ARL15: variants seen among roughly 807,000 people sequenced by gnomAD.
ARL15 encodes the protein ADP-ribosylation factor-like protein 15.
ARL15 carries 19 observed loss-of-function variants against 25.2 expected under a neutral mutation model. The ratio of observed to expected loss-of-function variants is 0.75; its 90% confidence interval spans 0.53 to 1.10. The LOEUF (loss-of-function observed/expected upper bound fraction) is 1.10, where lower values mean the gene tolerates loss of function less well. Ranked by LOEUF, ARL15 falls within the 50% of genes least tolerant of loss-of-function variation. The pLI, the probability that ARL15 is intolerant of heterozygous loss-of-function variation, is 0.00. For missense variants in ARL15, 220 were observed against 246.0 expected (o/e 0.89, Z 0.71); for synonymous variants, 94 against 86.8 (o/e 1.08, Z -0.46).
rs574047423 is a variant in ARL15 at position 54,002,164 on chromosome 5, A to G, written c.462+111038T>C. On this transcript the variant is annotated intron_variant, in intron 4 of 4. Coordinates refer to ENST00000504924, the MANE Select transcript of ARL15 (RefSeq NM_019087.3). ...TTTGGCAAGCATAGATAGAGAACTC[A>G]GAAATGTGTCCTTGGCTACTAAGAG... Among the ~76,000 whole-genome samples the G allele has an allele frequency of 2.0e-5, 3 of 152,314 alleles. No individual in the cohort carries two copies. In the South Asian group the frequency reaches 6.2e-4, roughly 32 times the overall value.
intron 1 of ARL15, among the ~76,000 whole-genome samples, chr5:54,204,172 A>C (rs1755799785): frequency 6.6e-6 from 1 of 152,184 alleles, no homozygotes; most frequent in Non-Finnish European, 1.5e-5. Context: ...TAAAATGTTA[A>C]CCAAACCACA....
intron 4 of ARL15, among the ~76,000 whole-genome samples, chr5:54,034,661 CA>C (rs537088562): frequency 2.0e-5 from 3 of 150,024 alleles, no homozygotes; most frequent in African/African-American, 7.3e-5. Flanking sequence ...CACTTAAAAA[CA>C]AAAAAAAAGA....
chr5:54,090,070 G>A (rs1269970329), intron 4 of ARL15, among the ~76,000 whole-genome samples: 1 of 151,984 alleles, frequency 6.6e-6, no homozygotes, highest in Non-Finnish European at 1.5e-5. Flanking sequence ...CTATTCTTAG[G>A]TACATACCAT....
chr5:54,192,903 A>G (rs145713379), intron 1 of ARL15, among the ~76,000 whole-genome samples: 120 of 152,286 alleles, frequency 7.9e-4, no homozygotes, highest in South Asian at 3.7e-3. Context: ...TGATCTTCAC[A>G]AGCACCATCT....
At chr5:54,048,180 C>T (rs1750585152) in intron 4 of ARL15, 4 of 151,940 alleles carry the variant, frequency 2.6e-5, no homozygotes, top group East Asian at 1.9e-4. Context: ...CATACTGATG[C>T]CACTTAGTGT....
intron 4 of ARL15, among the ~76,000 whole-genome samples, chr5:54,010,777 T>A (rs149118604): frequency 0.021 from 3,263 of 152,078 alleles, 101 homozygotes; most frequent in East Asian, 0.13. Context: ...TTTGGGAGGC[T>A]GAGGCGCGCG....
chr5:53,951,432 A>T, intron 4 of ARL15: 1 of 457,636 alleles, frequency 2.2e-6, no homozygotes, highest in South Asian at 1.6e-5. Context: ...AATTTCCTAA[A>T]TGTTTACTCT....
intron 4 of ARL15, 152 bp downstream of exon 4, chr5:54,113,050 T>TA (rs1752786776): frequency 1.4e-6 from 1 of 724,776 alleles, no homozygotes; most frequent in African/African-American, 1.8e-5. Context: ...AACAGATTGA[T>TA]ATAGGCTTTC....
chr5:54,052,630 C>A (rs1374527542), intron 4 of ARL15, among the ~76,000 whole-genome samples: 2 of 152,028 alleles, frequency 1.3e-5, no homozygotes, highest in African/African-American at 4.8e-5. Context: ...CTAGAATGAT[C>A]CTTATGGGAA....
intron 4 of ARL15, among the ~76,000 whole-genome samples, chr5:53,949,178 C>T (rs1410084154): frequency 1.3e-5 from 2 of 152,090 alleles, no homozygotes; most frequent in African/African-American, 4.8e-5. Flanking sequence ...TGATTTAATT[C>T]CCATTGGATA....
intron 2 of ARL15, among the ~76,000 whole-genome samples, chr5:54,168,649 A>G (rs1394593408): frequency 2.0e-5 from 3 of 152,006 alleles, no homozygotes; most frequent in African/African-American, 7.3e-5. Flanking sequence ...TTAACCCAGT[A>G]AGACCACTAA....
intron 4 of ARL15, among the ~76,000 whole-genome samples, chr5:54,097,535 T>C (rs1227845052): frequency 6.6e-6 from 1 of 152,230 alleles, no homozygotes; most frequent in Non-Finnish European, 1.5e-5. Flanking sequence ...AATACAAGCA[T>C]AATTGTGATC....
chr5:54,006,674 C>T (rs1212229281), intron 4 of ARL15, among the ~76,000 whole-genome samples: 2 of 152,104 alleles, frequency 1.3e-5, no homozygotes, highest in Non-Finnish European at 2.9e-5. Context: ...TCTAAATGTA[C>T]TTAAAATGAG....
At chr5:53,992,760 A>G (rs1748544961) in intron 4 of ARL15, among the ~76,000 whole-genome samples, 1 of 152,214 alleles carries the variant, frequency 6.6e-6, no homozygotes, top group African/African-American at 2.4e-5. Context: ...GTATTGGTAC[A>G]TTGCATGAAA....
At chr5:53,894,552 A>C (rs531945764) in intron 4 of ARL15, among the ~76,000 whole-genome samples, 2 of 152,282 alleles carry the variant, frequency 1.3e-5, no homozygotes, top group South Asian at 4.2e-4. Context: ...TTATTCTTCT[A>C]TCCAAAAAGC....
At chr5:53,988,560 G>A (rs1748376595) in intron 4 of ARL15, among the ~76,000 whole-genome samples, 1 of 152,156 alleles carries the variant, frequency 6.6e-6, no homozygotes, top group Non-Finnish European at 1.5e-5. Flanking sequence ...AATATTTATA[G>A]GGTATTGAAT....
intron 4 of ARL15, among the ~76,000 whole-genome samples, chr5:54,041,508 T>A (rs1251986642): frequency 6.6e-6 from 1 of 152,136 alleles, no homozygotes; most frequent in Non-Finnish European, 1.5e-5. Flanking sequence ...AAGGACAGGA[T>A]AGGTTAATAG....
At chr5:54,204,129 C>A (rs1755798314) in intron 1 of ARL15, among the ~76,000 whole-genome samples, 1 of 152,140 alleles carries the variant, frequency 6.6e-6, no homozygotes, top group South Asian at 2.1e-4. Context: ...ATACAATTTT[C>A]TTTTCGAGAG....
chr5:53,918,562 T>C (rs531259343), intron 4 of ARL15, among the ~76,000 whole-genome samples: 3 of 152,200 alleles, frequency 2.0e-5, no homozygotes, highest in Admixed American at 1.3e-4. Context: ...AATGTGATAA[T>C]GAGAGATGAG....
Sources: gnomAD v4.1 joint callset for allele counts (sites outside exome capture counted in the v4.1 genomes callset) on GRCh38, gnomAD v4.1.1 for gene constraint, MANE v1.5 for transcripts, NCBI Gene and HGNC (gene_info 2026-07-23, HGNC 2026-07-21) for gene names.